Variants in DOHH observed in about 807,000 individuals in gnomAD.
DOHH encodes the protein HEAT-like (PBS lyase) repeat containing 1.
Under a neutral mutation model 19.9 loss-of-function variants are expected in DOHH, and 16 were observed. The ratio of observed to expected loss-of-function variants is 0.80; its 90% confidence interval spans 0.54 to 1.22. DOHH has a LOEUF of 1.22. Ranked by LOEUF, DOHH falls within the 50% of genes most tolerant of loss-of-function variation. The probability of loss-of-function intolerance (pLI) is 0.00; values close to 1 mark genes in which losing one functional copy is unlikely to be tolerated. For synonymous variants in DOHH, 233 were observed against 217.0 expected (o/e 1.07, Z -0.65); for missense variants, 460 against 460.6 (o/e 1.00, Z 0.01).
At chr19:3,493,453 C>T (rs904160840) in intron 3 of DOHH, among the ~76,000 whole-genome samples, 52 of 152,118 alleles carry the variant, frequency 3.4e-4, no homozygotes, top group African/African-American at 1.2e-3. Flanking sequence ...ACTAAAAATA[C>T]GAAAAGATTT....
At position 3,496,581 on chromosome 19, in the gene DOHH, C is replaced by T. The variant is rs1406030513; in HGVS notation, c.234G>A (p.Leu78=). 1.9e-6 allele frequency: 3 copies of T among 1,613,736 alleles called. No individual in the cohort carries two copies. Among genetic ancestry groups the T allele is most frequent in the Middle Eastern group, 1.6e-4 (1 of 6,062 alleles). Residue 78 remains leucine, a synonymous_variant, in exon 2 of 5, where the codon CTG becomes CTA. Coordinates refer to ENST00000427575, the MANE Select transcript of DOHH (RefSeq NM_001145165.2). The surrounding 1 kb of genome is among the most constrained non-coding windows in gnomAD (Gnocchi z 4.8). The part of the protein sequence containing the change: ...ARAIPMLVDV[L]QDTRQEPMVR... ...CCATGGGCTCCTGACGGGTGTCTTG[C>T]AGCACGTCCACCAGCATGGGGATGG... is the stretch of plus-strand genomic sequence containing the variant.
chr19:3,492,510 G>A lies in DOHH; in HGVS notation c.352-11C>T. 7.3e-7 allele frequency: 1 copy of A among 1,375,174 alleles called. No homozygotes were observed. The highest frequency in any genetic ancestry group is 9.3e-7 in the Non-Finnish European group (1 of 1,071,152). The allele number at this position is 1,375,174 out of a possible 1,614,324, so 85.2% of individuals were successfully genotyped here. A position where few individuals can be genotyped will look rare whatever the true frequency, so the allele number is the denominator to read the frequency against. ...GCAGGTCTCGGCCACCTGCGGGGAG[G>A]GGGTATCAGGCAGCGGGTTGGCCCT... On this transcript the variant is annotated splice_polypyrimidine_tract_variant and intron_variant, in intron 3 of 4. Coordinates refer to ENST00000427575, the MANE Select transcript of DOHH (RefSeq NM_001145165.2).
chr19:3,493,392 G>C (rs539982024), intron 3 of DOHH, among the ~76,000 whole-genome samples: 1 of 152,314 alleles, frequency 6.6e-6, no homozygotes, highest in South Asian at 2.1e-4. Context: ...GGTGGATCAC[G>C]AGGTCAGGAG....
chr19:3,493,752 G>A (rs1014402193), intron 3 of DOHH, among the ~76,000 whole-genome samples: 1 of 152,184 alleles, frequency 6.6e-6, no homozygotes, highest in Non-Finnish European at 1.5e-5. Context: ...GGGGTTCAGA[G>A]AAAGGGGGTC....
chr19:3,493,454 G>A lies in DOHH; in HGVS notation c.351+574C>T, dbSNP rs538288626. Among the ~76,000 whole-genome samples the A allele has an allele frequency of 5.3e-5, 8 of 152,098 alleles. No individual in the cohort carries two copies. In the East Asian group the frequency reaches 1.2e-3, roughly 22 times the overall value. On this transcript the variant is annotated intron_variant, in intron 3 of 4. Transcript: ENST00000427575. The stretch of plus-strand genomic sequence containing the variant: ...GAAACCCCGTCTCTACTAAAAATAC[G>A]AAAAGATTTGCTGAGCGTGGTGGCA...
chr19:3,492,562 C>A (rs1314500620), intron 3 of DOHH, 63 bp from the exon 4 acceptor site: 4 of 1,264,992 alleles, frequency 3.2e-6, no homozygotes, highest in Non-Finnish European at 4.1e-6. Flanking sequence ...CCTTCCCCAC[C>A]CCCCGGGATG....
At chr19:3,498,219 C>G (rs970764705) in intron 1 of DOHH, among the ~76,000 whole-genome samples, 2 of 152,104 alleles carry the variant, frequency 1.3e-5, no homozygotes, top group African/African-American at 4.8e-5. Context: ...CCTAGATGTC[C>G]CCACGTAGCA....
At chr19:3,494,440 G>A (rs1187287494) in intron 2 of DOHH, among the ~76,000 whole-genome samples, 1 of 152,212 alleles carries the variant, frequency 6.6e-6, no homozygotes, top group South Asian at 2.1e-4. Flanking sequence ...CCAGGAGGTC[G>A]GGGGTGCAGT....
intron 2 of DOHH, 82 bp from the exon 3 acceptor site, chr19:3,494,186 C>G (rs1191241280): frequency 2.3e-6 from 3 of 1,278,094 alleles, no homozygotes. Flanking sequence ...CCGGAGGACA[C>G]CCCTCCCAGG....
In DOHH at chr19:3,491,815, C is replaced by A; in HGVS notation, c.590-4G>T. The A allele has an allele frequency of 2.7e-6, 4 of 1,461,018 alleles. No homozygotes were observed. Among genetic ancestry groups the A allele is most frequent in the Non-Finnish European group, 3.6e-6 (4 of 1,109,356 alleles). 90.5% of individuals were successfully genotyped at this position (1,461,018 alleles called of 1,614,324 possible). ...AGGGCGCTCCCACAGTGCAGACCTG[C>A]AGGGGAGAGGGACACTCGCTGGGGC... On this transcript the variant is annotated splice_region_variant and splice_polypyrimidine_tract_variant and intron_variant, in intron 4 of 4. Transcript: ENST00000427575. The surrounding 1 kb of genome is among the most constrained non-coding windows in gnomAD (Gnocchi z 5.6).
Position 3,496,612 on chromosome 19 carries a change from G to C in DOHH, c.203C>G (p.Ala68Gly), listed in dbSNP as rs1373752153. ...LAYCLGQMQD[A>G]RAIPMLVDVL... ...GTCCACCAGCATGGGGATGGCGCGGGCATCCTGCATCTGGCCCAGGCAGTA... is the reference window on the plus strand; with the variant it reads ...GTCCACCAGCATGGGGATGGCGCGGCCATCCTGCATCTGGCCCAGGCAGTA... The change falls in exon 2 of 5, where the codon GCC (alanine) becomes GGC (glycine). Residue 68 changes from alanine (A) to glycine (G), a missense_variant. Ala to Gly is a moderately conservative substitution (Grantham distance 60, BLOSUM62 0). Transcript: ENST00000427575. This position sits in a 1 kb window ranked among gnomAD's most constrained non-coding sequence, Gnocchi z 4.8. 6.2e-7 allele frequency: 1 copy of C among 1,613,992 alleles called. No homozygotes were observed.
intron 1 of DOHH, among the ~76,000 whole-genome samples, chr19:3,497,936 G>A (rs990774466): frequency 2.0e-5 from 3 of 152,038 alleles, no homozygotes; most frequent in Non-Finnish European, 4.4e-5. Flanking sequence ...CAGCCATTAT[G>A]GGGATTTTTG....
chr19:3,493,173 C>T lies in DOHH; in HGVS notation c.352-674G>A, dbSNP rs564524030. On this transcript the variant is annotated intron_variant, in intron 3 of 4. Transcript: ENST00000427575. ...TCAGCCACAAAAAGGAATGACGGGC[C>T]GGCCGAAGCGGCTCATGCCCCTAAT... is the stretch of plus-strand genomic sequence containing the variant. Among the ~76,000 whole-genome samples the T allele has an allele frequency of 2.1e-3, 318 of 152,364 alleles. 3 individuals carry two copies. The highest frequency in any genetic ancestry group is 7.0e-3 in the African/African-American group (291 of 41,582).
In DOHH at chr19:3,491,611, C is replaced by T. The variant is rs1452114441; in HGVS notation, c.790G>A (p.Asp264Asn). The T allele has an allele frequency of 2.0e-6, 3 of 1,535,732 alleles. No homozygotes were observed. The highest frequency in any genetic ancestry group is 2.7e-5 in the African/African-American group (2 of 72,982). Reference sequence around the variant, plus strand: ...CTCTCACGCACCACGCGCTCTGGGTCGTCCGCGTGAGCCTGCAGCGCGGCC... The same window carrying T: ...CTCTCACGCACCACGCGCTCTGGGTTGTCCGCGTGAGCCTGCAGCGCGGCC... The part of the protein sequence containing the change: ...CLAALQAHAD[D>N]PERVVRESCE... The change falls in exon 5 of 5, where the codon GAC (aspartate) becomes AAC (asparagine). Residue 264 changes from aspartate (D) to asparagine (N), a missense_variant. Transcript: ENST00000427575. This position sits in a 1 kb window ranked among gnomAD's most constrained non-coding sequence, Gnocchi z 5.6.
At chr19:3,498,398 G>C (rs1041826187) in intron 1 of DOHH, among the ~76,000 whole-genome samples, 1 of 151,968 alleles carries the variant, frequency 6.6e-6, no homozygotes, top group Admixed American at 6.6e-5. Flanking sequence ...GGCATGACAA[G>C]ATAATGAAGG....
rs1216939156 is a variant in DOHH, at chr19:3,491,523, C to A, written c.878G>T (p.Gly293Val). The change falls in exon 5 of 5, where the codon GGC (glycine) becomes GTC (valine). Residue 293 changes from glycine (G) to valine (V), a missense_variant. Gly to Val is a moderately radical substitution (Grantham distance 109). Transcript: ENST00000427575. The surrounding 1 kb of genome is among the most constrained non-coding windows in gnomAD (Gnocchi z 5.6). ...ETGRAFQYAD[G>V]LEQLRGAPS ...GGGGGCCCCGCGCAGCTGCTCCAGGCCGTCCGCGTACTGGAAGGCCCGCCC... is the reference window on the plus strand; with the variant it reads ...GGGGGCCCCGCGCAGCTGCTCCAGGACGTCCGCGTACTGGAAGGCCCGCCC... The A allele has an allele frequency of 9.1e-6, 14 of 1,535,180 alleles. No homozygotes were observed. The highest frequency in any genetic ancestry group is 1.2e-5 in the Non-Finnish European group (14 of 1,146,598).
In DOHH at chr19:3,496,738, C is replaced by T. The variant is rs762004928; in HGVS notation, c.77G>A (p.Arg26Gln). 3.1e-6 allele frequency: 5 copies of T among 1,611,894 alleles called. No individual in the cohort carries two copies. The highest frequency in any genetic ancestry group is 3.3e-5 in the Admixed American group (2 of 59,968). The change falls in exon 2 of 5, where the codon CGG becomes CAG. Residue 26 changes from arginine (R) to glutamine (Q), a missense_variant. Physicochemically the swap from Arg to Gln is conservative, Grantham distance 43. Coordinates refer to ENST00000427575, the MANE Select transcript of DOHH (RefSeq NM_001145165.2). This position sits in a 1 kb window ranked among gnomAD's most constrained non-coding sequence, Gnocchi z 4.8. ...DPKQPLQARF[R>Q]ALFTLRGLGG... Reference sequence around the variant, plus strand: ...GAGCCCACGCAGCGTGAACAGCGCCCGGAAGCGGGCCTGCAGGGGCTGCTT... The same window carrying T: ...GAGCCCACGCAGCGTGAACAGCGCCTGGAAGCGGGCCTGCAGGGGCTGCTT...
rs768556768 is a variant in DOHH, at chr19:3,491,575, C to T, written c.826G>A (p.Ala276Thr). Residue 276 changes from alanine to threonine, a missense_variant, in exon 5 of 5, where the codon GCT becomes ACT. Coordinates refer to ENST00000427575, the MANE Select transcript of DOHH (RefSeq NM_001145165.2). This position sits in a 1 kb window ranked among gnomAD's most constrained non-coding sequence, Gnocchi z 5.6. ...GTCTCGTGCTCATACATGTCCAGAG[C>T]CACCTCGCAGCTCTCACGCACCACG... ...ERVVRESCEV[A>T]LDMYEHETGR... is the part of the protein sequence containing the mutation. The T allele has an allele frequency of 3.9e-6, 6 of 1,535,874 alleles. No homozygotes were observed. In the African/African-American group the frequency reaches 6.8e-5, roughly 18 times the overall value.
In DOHH at chr19:3,495,948, G is replaced by A. The variant is rs143762726; in HGVS notation, c.274+593C>T. ...AATGGTTTAAAACAAAAAATCAAAG[G>A]GATAGTACTTCCTGATGGGTGGAAT... On this transcript the variant is annotated intron_variant, in intron 2 of 4. Transcript: ENST00000427575. 2.7e-3 allele frequency among the ~76,000 whole-genome samples: 406 copies of A among 152,132 alleles called. 1 individual carries two copies. The highest frequency in any genetic ancestry group is 9.4e-3 in the African/African-American group (390 of 41,500).
Sources: allele counts gnomAD v4.1 joint callset (sites outside exome capture counted in the v4.1 genomes callset), GRCh38; gene constraint gnomAD v4.1.1; non-coding constraint Gnocchi (gnomAD v3.1); transcripts MANE v1.5; gene names NCBI Gene and HGNC (gene_info 2026-07-23, HGNC 2026-07-21).